Variants in KIAA1217 observed in about 807,000 individuals in gnomAD.
KIAA1217 encodes the protein KIAA1217, also known as sickle tail protein homolog.
A neutral mutation model predicts 163.9 loss-of-function variants in KIAA1217; 88 were observed. That is an observed-to-expected ratio of 0.54 (90% CI 0.45 to 0.64). The LOEUF is 0.64. Ranked by LOEUF, KIAA1217 falls within the 30% of genes least tolerant of loss-of-function variation. The pLI, the probability that KIAA1217 is intolerant of heterozygous loss-of-function variation, is 0.00. For synonymous variants in KIAA1217, 903 were observed against 923.1 expected, an observed-to-expected ratio of 0.98 and a Z score of 0.39; for missense variants, 2,372 against 2,475.0, an observed-to-expected ratio of 0.96 and a Z score of 0.88.
intron 2 of KIAA1217, among the ~76,000 whole-genome samples, chr10:24,335,707 T>A (rs1050483321): frequency 6.6e-6 from 1 of 151,932 alleles, no homozygotes; most frequent in Admixed American, 6.6e-5. Flanking sequence ...ACTCCTGGGC[T>A]CAAGCAATCC....
At position 24,443,013 on chromosome 10, in the gene KIAA1217, C is replaced by T. The variant is rs148758015; in HGVS notation, c.846+4534C>T. 2.0e-3 allele frequency among the ~76,000 whole-genome samples: 303 copies of T among 150,732 alleles called. 2 individuals carry two copies. Among genetic ancestry groups the T allele is most frequent in the African/African-American group, 6.8e-3 (280 of 41,028 alleles). On this transcript the variant is annotated intron_variant, in intron 5 of 20. Transcript: ENST00000376454. The stretch of plus-strand genomic sequence containing the variant: ...GCAACCTCTGCCTCCCAGGTTCAAG[C>T]GATTCTCCCACCTCAGCCTACTGAG...
chr10:24,294,253 G>A (rs957878814), intron 2 of KIAA1217, among the ~76,000 whole-genome samples: 1 of 149,336 alleles, frequency 6.7e-6, no homozygotes, highest in African/African-American at 2.5e-5. Flanking sequence ...TGGCCACCTT[G>A]GGGCTCTACA....
intron 2 of KIAA1217, among the ~76,000 whole-genome samples, chr10:24,019,378 A>G (rs1000560897): frequency 2.0e-5 from 3 of 150,174 alleles, no homozygotes; most frequent in Non-Finnish European, 4.4e-5. Context: ...AAATAAATAC[A>G]TACATACTTA....
chr10:23,938,419 A>G (rs1843621747), intron 1 of KIAA1217, among the ~76,000 whole-genome samples: 1 of 152,158 alleles, frequency 6.6e-6, no homozygotes, highest in South Asian at 2.1e-4. Flanking sequence ...ATAGGTAAGT[A>G]TGTATATACA....
At chr10:24,369,634 A>G (rs2051291991) in intron 2 of KIAA1217, among the ~76,000 whole-genome samples, 1 of 152,154 alleles carries the variant, frequency 6.6e-6, no homozygotes, top group Non-Finnish European at 1.5e-5. Context: ...GGCTTTTGTT[A>G]AGAAGGCCTT....
intron 2 of KIAA1217, among the ~76,000 whole-genome samples, chr10:24,315,130 G>T (rs139565426): frequency 8.2e-4 from 125 of 152,190 alleles, no homozygotes; most frequent in African/African-American, 2.9e-3. Flanking sequence ...GAAAAGGTGT[G>T]CAGTAATACA....
At chr10:24,050,058 GTGA>G (rs1849385776) in intron 2 of KIAA1217, among the ~76,000 whole-genome samples, 1 of 152,220 alleles carries the variant, frequency 6.6e-6, no homozygotes, top group African/African-American at 2.4e-5. Context: ...CTAATGACCA[GTGA>G]TGATGAGCAT....
intron 1 of KIAA1217, among the ~76,000 whole-genome samples, chr10:23,990,752 T>C (rs1846184820): frequency 6.6e-6 from 1 of 152,176 alleles, no homozygotes; most frequent in Non-Finnish European, 1.5e-5. Context: ...CTTTAATATT[T>C]TTAAATTGCT....
At chr10:24,149,914 A>G (rs2064523197) in intron 2 of KIAA1217, among the ~76,000 whole-genome samples, 1 of 152,250 alleles carries the variant, frequency 6.6e-6, no homozygotes, top group East Asian at 1.9e-4. Context: ...AAAAGGAGCA[A>G]TAAGAACCAG....
chr10:23,895,096 C>G (rs1222325809), intron 1 of KIAA1217, among the ~76,000 whole-genome samples: 1 of 152,034 alleles, frequency 6.6e-6, no homozygotes, highest in Admixed American at 6.6e-5. Context: ...GACTTCATGT[C>G]TAAAACACCA....
At chr10:23,875,950 G>C (rs1350001164) in intron 1 of KIAA1217, among the ~76,000 whole-genome samples, 1 of 151,376 alleles carries the variant, frequency 6.6e-6, no homozygotes. Context: ...GGCTTGTCGG[G>C]GGGTGGGGGG....
chr10:23,695,044 G>C lies in KIAA1217; in HGVS notation c.-511G>C, dbSNP rs1182738852. On this transcript the variant is annotated 5_prime_UTR_variant, in exon 1 of 19. Transcript: ENST00000376462. This position sits in a 1 kb window ranked among gnomAD's most constrained non-coding sequence, Gnocchi z 4.9. ...AGGCCACCACTCGGCTGGCAGCCGCGAGCGGCGGCCGAACCTCGGCCCCAG... is the reference window on the plus strand; with the variant it reads ...AGGCCACCACTCGGCTGGCAGCCGCCAGCGGCGGCCGAACCTCGGCCCCAG... 3.3e-5 allele frequency: 5 copies of C among 152,220 alleles called. No individual in the cohort carries two copies. In the East Asian group the frequency reaches 5.8e-4, roughly 18 times the overall value. The allele number at this position is 152,220 out of a possible 1,614,324, so 9.4% of individuals were successfully genotyped here.
chr10:24,044,302 A>T (rs1848830346), intron 2 of KIAA1217, among the ~76,000 whole-genome samples: 1 of 152,184 alleles, frequency 6.6e-6, no homozygotes, highest in African/African-American at 2.4e-5. Flanking sequence ...AAGAAATCCA[A>T]TAATAGCCAC....
chr10:23,795,234 C>T (rs1836143960), intron 1 of KIAA1217, among the ~76,000 whole-genome samples: 2 of 152,220 alleles, frequency 1.3e-5, no homozygotes, highest in East Asian at 3.8e-4. Flanking sequence ...TTCATTTTCT[C>T]TTGGTCTCCC....
At chr10:23,793,130 G>A (rs751393256) in intron 1 of KIAA1217, among the ~76,000 whole-genome samples, 20 of 152,012 alleles carry the variant, frequency 1.3e-4, no homozygotes, top group Non-Finnish European at 2.2e-4. Flanking sequence ...TTTGTGCATG[G>A]TTCTCTTCTA....
At chr10:24,192,383 G>A (rs185099616) in intron 2 of KIAA1217, among the ~76,000 whole-genome samples, 2 of 152,152 alleles carry the variant, frequency 1.3e-5, no homozygotes, top group Non-Finnish European at 2.9e-5. Flanking sequence ...TAAGGGGAAA[G>A]GATAAGGGGA....
chr10:23,794,439 C>T (rs922945343), intron 1 of KIAA1217, among the ~76,000 whole-genome samples: 1 of 152,202 alleles, frequency 6.6e-6, no homozygotes, highest in Admixed American at 6.5e-5. Flanking sequence ...CTCAAGTTTT[C>T]ACTAAAGAAT....
chr10:23,749,209 TG>T (rs1004642482), intron 1 of KIAA1217, among the ~76,000 whole-genome samples: 3 of 152,200 alleles, frequency 2.0e-5, no homozygotes, highest in African/African-American at 7.2e-5. Context: ...GCCTCCTTTT[TG>T]TTAAATCCAC....
At chr10:24,228,152 G>A (rs1395056698) in intron 2 of KIAA1217, among the ~76,000 whole-genome samples, 1 of 152,010 alleles carries the variant, frequency 6.6e-6, no homozygotes, top group African/African-American at 2.4e-5. Context: ...ACTCGTGCCA[G>A]TTGGGGGGCT....
Sources: allele counts gnomAD v4.1 joint callset (sites outside exome capture counted in the v4.1 genomes callset), GRCh38; gene constraint gnomAD v4.1.1; non-coding constraint Gnocchi (gnomAD v3.1); transcripts MANE v1.5; gene names NCBI Gene and HGNC (gene_info 2026-07-23, HGNC 2026-07-21).